The following ACOT7 variants were observed in gnomAD, a reference collection of about 807,000 sequenced individuals.
ACOT7 encodes cytosolic acyl coenzyme A thioester hydrolase.
ACOT7 carries 12 observed loss-of-function variants against 40.2 expected under a neutral mutation model. The observed-to-expected ratio is 0.30, with a 90% CI of 0.19 to 0.48. The LOEUF (loss-of-function observed/expected upper bound fraction) is 0.48. Among genes scored for constraint, ACOT7 ranks in the 20% least tolerant of loss-of-function variants. ACOT7 has a pLI of 0.99. For missense variants in ACOT7, 395 were observed against 530.8 expected, an observed-to-expected ratio of 0.74 and a Z score of 2.51; for synonymous variants, 228 against 219.5, an observed-to-expected ratio of 1.04 and a Z score of -0.34.
rs1640325161 is a variant in ACOT7 at position 6,311,349 on chromosome 1, C to A, written c.712+7143G>T. On this transcript the variant is annotated intron_variant, in intron 6 of 8. Coordinates refer to ENST00000361521, the MANE Select transcript of ACOT7 (RefSeq NM_007274.4). The surrounding 1 kb of genome is among the most constrained non-coding windows in gnomAD (Gnocchi z 5.2). ...ACAGGAACCGGAGAAGCAACCAGAACAACCCGGATCATCCCATGGACGAGG... is the reference window on the plus strand; with the variant it reads ...ACAGGAACCGGAGAAGCAACCAGAAAAACCCGGATCATCCCATGGACGAGG... 6.6e-6 allele frequency among the ~76,000 whole-genome samples: 1 copy of A among 152,226 alleles called. No homozygotes were observed. Among genetic ancestry groups the A allele is most frequent in the Non-Finnish European group, 1.5e-5 (1 of 68,040 alleles).
intron 6 of ACOT7, among the ~76,000 whole-genome samples, chr1:6,312,844 C>T (rs1198203934): frequency 6.6e-6 from 1 of 152,106 alleles, no homozygotes; most frequent in Non-Finnish European, 1.5e-5. Context: ...TACTATGTAC[C>T]CAAAAAATTT....
At chr1:6,341,013 G>GT (rs1014602396) in intron 2 of ACOT7, among the ~76,000 whole-genome samples, 5 of 151,862 alleles carry the variant, frequency 3.3e-5, no homozygotes, top group Admixed American at 3.3e-4. Flanking sequence ...TCCAGCCTGG[G>GT]TGACAGAGCA....
At chr1:6,295,519 G>T (rs1639788902) in intron 6 of ACOT7, 1 of 152,906 alleles carries the variant, frequency 6.5e-6, no homozygotes, top group Non-Finnish European at 1.5e-5. Flanking sequence ...ACAGCAGCAT[G>T]TACGCATAGC....
chr1:6,360,742 T>C, intron 1 of ACOT7: 1 of 1,594,384 alleles, frequency 6.3e-7, no homozygotes, highest in East Asian at 2.3e-5. Context: ...CTGTGCCCTT[T>C]GGACTTGGCC....
At position 6,355,848 on chromosome 1, in the gene ACOT7, G is replaced by T. The variant is rs556280936; in HGVS notation, c.144-5982C>A. 6.6e-6 allele frequency among the ~76,000 whole-genome samples: 1 copy of T among 152,098 alleles called. No individual in the cohort carries two copies. The highest frequency in any genetic ancestry group is 1.5e-5 in the Non-Finnish European group (1 of 68,018). ...GCCTGTTCCGCAGCGGGAGTGAGGCGCCTGGAACAATTGAGGGGAGCCTGG... is the reference window on the plus strand; with the variant it reads ...GCCTGTTCCGCAGCGGGAGTGAGGCTCCTGGAACAATTGAGGGGAGCCTGG... On this transcript the variant is annotated intron_variant, in intron 1 of 8. Transcript: ENST00000361521. This position sits in a 1 kb window ranked among gnomAD's most constrained non-coding sequence, Gnocchi z 5.0.
At chr1:6,292,828 C>A (rs934885852) in intron 7 of ACOT7, among the ~76,000 whole-genome samples, 1 of 151,696 alleles carries the variant, frequency 6.6e-6, no homozygotes, top group Non-Finnish European at 1.5e-5. Context: ...TTTACAGGTG[C>A]CTGCCACCAG....
chr1:6,313,414 G>C (rs4908877), intron 6 of ACOT7, among the ~76,000 whole-genome samples: 1 of 152,084 alleles, frequency 6.6e-6, no homozygotes, highest in Non-Finnish European at 1.5e-5. Flanking sequence ...TGGAACAAAC[G>C]CTTCCAAGCC....
rs1445297756 is a variant in ACOT7 at position 6,333,337 on chromosome 1, T to C, written c.510+140A>G. 3.4e-6 allele frequency: 3 copies of C among 882,596 alleles called. No individual in the cohort carries two copies. In the East Asian group the frequency reaches 8.0e-5, roughly 24 times the overall value. The allele number at this position is 882,596 out of a possible 1,614,324, so 54.7% of individuals were successfully genotyped here. A position where few individuals can be genotyped will look rare whatever the true frequency, so the allele number is the denominator to read the frequency against. On this transcript the variant is annotated intron_variant, in intron 4 of 8. Coordinates refer to ENST00000361521, the MANE Select transcript of ACOT7 (RefSeq NM_007274.4). ...CCAGCCCAGAGGGGACACTGCCTGC[T>C]GGCGGACCTGGCCCCCTGTGCCCTA...
chr1:6,328,089 A>G (rs1044284032), intron 4 of ACOT7, among the ~76,000 whole-genome samples: 92 of 152,186 alleles, frequency 6.0e-4, no homozygotes, highest in African/African-American at 2.0e-3. Flanking sequence ...TTTCACTATT[A>G]AAACCATACT....
At chr1:6,312,353 T>C (rs775836073) in intron 6 of ACOT7, among the ~76,000 whole-genome samples, 3 of 152,194 alleles carry the variant, frequency 2.0e-5, no homozygotes, top group Non-Finnish European at 4.4e-5. Context: ...AGTGGATTGT[T>C]TGTAACACAA....
In ACOT7 at chr1:6,282,757, G is replaced by T; in HGVS notation, c.830-1471C>A. 7.7e-7 allele frequency: 1 copy of T among 1,304,312 alleles called. No individual in the cohort carries two copies. Among genetic ancestry groups the T allele is most frequent in the Non-Finnish European group, 1.0e-6 (1 of 988,978 alleles). 80.8% of individuals were successfully genotyped at this position (1,304,312 alleles called of 1,614,324 possible). ...CTTCGTGCCAGTGCTGGGAGAGGAG[G>T]AAGGAGCTGTGTGGTCAGCGCCAGC... On this transcript the variant is annotated intron_variant, in intron 7 of 8. Coordinates refer to ENST00000361521, the MANE Select transcript of ACOT7 (RefSeq NM_007274.4). The surrounding 1 kb of genome is among the most constrained non-coding windows in gnomAD (Gnocchi z 4.5).
At position 6,358,776 on chromosome 1, in the gene ACOT7, C is replaced by T. The variant is rs968032707; in HGVS notation, c.144-8910G>A. The T allele has an allele frequency of 2.5e-6, 4 of 1,578,666 alleles. No individual in the cohort carries two copies. The Admixed American group carries it at 5.0e-5, about 20-fold the overall frequency. On this transcript the variant is annotated intron_variant, in intron 1 of 8. Coordinates refer to ENST00000361521, the MANE Select transcript of ACOT7 (RefSeq NM_007274.4). This position sits in a 1 kb window ranked among gnomAD's most constrained non-coding sequence, Gnocchi z 4.1. ...CCCTTCCAAATGTCCCTAAACAATC[C>T]ACCCACAGTGGCCCCTGCACGGCCT...
At chr1:6,366,595 A>T (rs1212841706) in intron 1 of ACOT7, among the ~76,000 whole-genome samples, 1 of 151,908 alleles carries the variant, frequency 6.6e-6, no homozygotes. Context: ...TCAAATAAAA[A>T]AAAAAAAAAA....
In ACOT7 at chr1:6,332,521, T is replaced by C. The variant is rs537991825; in HGVS notation, c.510+956A>G. ...CTGACAACATAATGAACTGGTATTA[T>C]GAAAGGTGCTTCTGCCGGGCGCAGT... On this transcript the variant is annotated intron_variant, in intron 4 of 8. Coordinates refer to ENST00000361521, the MANE Select transcript of ACOT7 (RefSeq NM_007274.4). Among the ~76,000 whole-genome samples, 3 of 152,314 alleles carry C rather than the reference T, an allele frequency of 2.0e-5. No homozygotes were observed. In the East Asian group the frequency reaches 5.8e-4, roughly 29 times the overall value.
At chr1:6,393,162 C>T (rs1642563088) in intron 1 of ACOT7, 95 bp downstream of exon 1, 1 of 1,177,472 alleles carries the variant, frequency 8.5e-7, no homozygotes, top group Non-Finnish European at 1.1e-6. Flanking sequence ...CGGGGGCGGC[C>T]TCGGCGGGTG....
At chr1:6,305,785 G>A (rs1640132004) in intron 6 of ACOT7, among the ~76,000 whole-genome samples, 2 of 152,160 alleles carry the variant, frequency 1.3e-5, no homozygotes, top group African/African-American at 2.4e-5. Flanking sequence ...CCCAGACGGG[G>A]TGGTGGCCGG....
chr1:6,298,506 G>A (rs954040648), intron 6 of ACOT7, among the ~76,000 whole-genome samples: 3 of 152,200 alleles, frequency 2.0e-5, no homozygotes, highest in African/African-American at 4.8e-5. Flanking sequence ...ATGGAGGTCC[G>A]ATTCTGAAGA....
chr1:6,365,767 CAA>C (rs57082193), intron 1 of ACOT7, among the ~76,000 whole-genome samples: 47,343 of 142,900 alleles, frequency 0.33, 12,443 homozygotes, highest in African/African-American at 0.74. Flanking sequence ...GACCCCATCT[CAA>C]AAAAAAAAAA....
chr1:6,293,738 A>C (rs576158361), intron 7 of ACOT7, among the ~76,000 whole-genome samples: 1 of 152,348 alleles, frequency 6.6e-6, no homozygotes, highest in African/African-American at 2.4e-5. Context: ...GGAAGAAAGC[A>C]ACGCCAGAGA....
Sources: allele counts gnomAD v4.1 joint callset (sites outside exome capture counted in the v4.1 genomes callset), GRCh38; gene constraint gnomAD v4.1.1; non-coding constraint Gnocchi (gnomAD v3.1); transcripts MANE v1.5; gene names NCBI Gene and HGNC (gene_info 2026-07-23, HGNC 2026-07-21).